NTRK2: variants seen among roughly 807,000 people sequenced by gnomAD.
The protein encoded by NTRK2 is BDNF/NT-3 growth factors receptor.
NTRK2 carries 13 observed loss-of-function variants against 94.5 expected under a neutral mutation model. The ratio of observed to expected loss-of-function variants is 0.14; its 90% confidence interval spans 0.09 to 0.22. The LOEUF (loss-of-function observed/expected upper bound fraction) is 0.22, where lower values mean the gene tolerates loss of function less well. Among genes scored for constraint, NTRK2 ranks in the 10% least tolerant of loss-of-function variants. NTRK2 has a pLI of 1.00. For synonymous variants in NTRK2, 372 were observed against 407.4 expected (o/e 0.91, Z 1.05); for missense variants, 639 against 1,071.2 (o/e 0.60, Z 5.63).
chr9:85,000,129 C>T (rs1257598757), intron 17 of NTRK2, among the ~76,000 whole-genome samples: 1 of 152,092 alleles, frequency 6.6e-6, no homozygotes, highest in African/African-American at 2.4e-5. Flanking sequence ...CAAAGTGGAA[C>T]AGAAAGTGGA....
At position 84,924,904 on chromosome 9, in the gene NTRK2, T is replaced by C. The variant is rs371435976; in HGVS notation, c.1634-9258T>C. Among the ~76,000 whole-genome samples the C allele has an allele frequency of 7.2e-5, 11 of 152,110 alleles. No homozygotes were observed. The East Asian group carries it at 1.9e-3, about 27-fold the overall frequency. ...TAGGTCCCTGGTGCCCTCCCAGAAA[T>C]GTAAAGTTGATTTGCAGCAGGCTAT... On this transcript the variant is annotated intron_variant, in intron 14 of 18. Transcript: ENST00000277120.
At chr9:84,920,617 T>A (rs920384795) in intron 14 of NTRK2, among the ~76,000 whole-genome samples, 2 of 152,192 alleles carry the variant, frequency 1.3e-5, no homozygotes, top group African/African-American at 2.4e-5. Flanking sequence ...GAGGTGAGAA[T>A]TCTTCTACTC....
intron 14 of NTRK2, among the ~76,000 whole-genome samples, chr9:84,878,628 G>A (rs1182196749): frequency 1.8e-5 from 2 of 110,522 alleles, no homozygotes; most frequent in African/African-American, 6.3e-5. Flanking sequence ...AAGAGACTAT[G>A]TCTAAAAAAA....
In NTRK2 at chr9:84,751,905, T is replaced by C. The variant is rs2064654280; in HGVS notation, c.1297-81T>C. 6.5e-6 allele frequency: 7 copies of C among 1,081,784 alleles called. No individual in the cohort carries two copies. In the South Asian group the frequency reaches 7.6e-5, roughly 12 times the overall value. 67.0% of individuals were successfully genotyped at this position (1,081,784 alleles called of 1,614,324 possible). A position where few individuals can be genotyped will look rare whatever the true frequency, so the allele number is the denominator to read the frequency against. On this transcript the variant is annotated intron_variant, in intron 11 of 18. Transcript: ENST00000277120. Reference sequence around the variant, plus strand: ...TAAATATGAACTGCCTGTATCATTATCATCGTCATGATCATCATCACCATA... The same window carrying C: ...TAAATATGAACTGCCTGTATCATTACCATCGTCATGATCATCATCACCATA...
intron 12 of NTRK2, among the ~76,000 whole-genome samples, chr9:84,821,629 G>T (rs1161645227): frequency 6.6e-6 from 1 of 152,114 alleles, no homozygotes; most frequent in Non-Finnish European, 1.5e-5. Context: ...TTTCAAACTT[G>T]GCAAAATTTC....
At chr9:84,992,010 A>G (rs1487642141) in intron 17 of NTRK2, among the ~76,000 whole-genome samples, 2 of 152,104 alleles carry the variant, frequency 1.3e-5, no homozygotes. Flanking sequence ...CATTTTGAAA[A>G]CAGAGCTTCA....
intron 12 of NTRK2, among the ~76,000 whole-genome samples, chr9:84,779,679 G>T (rs2067376274): frequency 6.6e-6 from 1 of 152,160 alleles, no homozygotes; most frequent in African/African-American, 2.4e-5. Flanking sequence ...CACAGTAGTT[G>T]TGGGTTGTTT....
At chr9:84,929,438 C>T (rs1174198623) in intron 14 of NTRK2, among the ~76,000 whole-genome samples, 2 of 152,110 alleles carry the variant, frequency 1.3e-5, no homozygotes, top group African/African-American at 2.4e-5. Flanking sequence ...TTTGATTCCT[C>T]CTTTTCCTTT....
At chr9:84,813,999 C>T in intron 12 of NTRK2, 2 of 1,065,322 alleles carry the variant, frequency 1.9e-6, no homozygotes, top group Non-Finnish European at 2.3e-6. Context: ...TACAAACAGT[C>T]TGAGGCTAAG....
intron 12 of NTRK2, among the ~76,000 whole-genome samples, chr9:84,755,987 T>G (rs2065052879): frequency 6.6e-6 from 1 of 152,178 alleles, no homozygotes; most frequent in East Asian, 1.9e-4. Flanking sequence ...TTGGTTGATA[T>G]GTAGCTACCA....
At position 84,670,679 on chromosome 9, in the gene NTRK2, C is replaced by T. The variant is rs74651168; in HGVS notation, c.-70C>T. 1.2e-3 allele frequency: 1,842 copies of T among 1,531,440 alleles called. 4 individuals are homozygous for T. Among genetic ancestry groups the T allele is most frequent in the Admixed American group, 2.3e-3 (136 of 59,874 alleles). 94.9% of individuals were successfully genotyped at this position (1,531,440 alleles called of 1,614,324 possible). On this transcript the variant is annotated 5_prime_UTR_variant, in exon 2 of 19. Transcript: ENST00000277120. ...AGCCGCAAGCGCAGGGAAGGCCTCC[C>T]CGCACGGGTGGGGGAAAGCGGCCGG...
In NTRK2 at chr9:84,687,030, T is replaced by A. The variant is rs1263403297; in HGVS notation, c.213-15129T>A. Among the ~76,000 whole-genome samples the A allele has an allele frequency of 2.6e-5, 4 of 152,340 alleles. No homozygotes were observed. The South Asian group carries it at 8.3e-4, about 32-fold the overall frequency. ...GAAAGTGGTTTAGACTCCATGTGTA[T>A]TTGAAAATTAAATTTTAAAAAATGA... is the stretch of plus-strand genomic sequence containing the variant. On this transcript the variant is annotated intron_variant, in intron 2 of 18. Coordinates refer to ENST00000277120, the MANE Select transcript of NTRK2 (RefSeq NM_006180.6).
chr9:84,815,775 G>A, intron 12 of NTRK2: 2 of 999,042 alleles, frequency 2.0e-6, no homozygotes, highest in Non-Finnish European at 2.4e-6. Context: ...GCTGTCACCT[G>A]AGTGCCCTTG....
intron 14 of NTRK2, among the ~76,000 whole-genome samples, chr9:84,904,533 G>T (rs1335939578): frequency 1.3e-5 from 2 of 152,108 alleles, no homozygotes; most frequent in Non-Finnish European, 2.9e-5. Context: ...GTTAAAAAGG[G>T]AATCTCAAAT....
chr9:84,961,292 C>T (rs1207354446), intron 17 of NTRK2, among the ~76,000 whole-genome samples: 2 of 152,188 alleles, frequency 1.3e-5, no homozygotes, highest in African/African-American at 4.8e-5. Context: ...AATACTTAGA[C>T]AATAATTCTT....
At chr9:84,740,670 A>G (rs1319732352) in intron 9 of NTRK2, among the ~76,000 whole-genome samples, 1 of 152,258 alleles carries the variant, frequency 6.6e-6, no homozygotes, top group Non-Finnish European at 1.5e-5. Context: ...TGTGCGAAGC[A>G]TGCACTATAC....
At chr9:85,012,842 G>A (rs1356266615) in intron 17 of NTRK2, among the ~76,000 whole-genome samples, 3 of 152,094 alleles carry the variant, frequency 2.0e-5, no homozygotes, top group African/African-American at 7.2e-5. Context: ...ATGATAATTT[G>A]CCTTATTTTG....
chr9:84,674,738 A>G (rs2058925655), intron 2 of NTRK2, among the ~76,000 whole-genome samples: 1 of 152,210 alleles, frequency 6.6e-6, no homozygotes, highest in South Asian at 2.1e-4. Context: ...TTCATAGTGT[A>G]GGTATTTACA....
At chr9:84,846,363 A>G (rs2074473608) in intron 12 of NTRK2, among the ~76,000 whole-genome samples, 2 of 152,236 alleles carry the variant, frequency 1.3e-5, no homozygotes, top group South Asian at 4.1e-4. Context: ...AGCAAAAGCT[A>G]TATTTCTAAA....
Sources: allele counts gnomAD v4.1 joint callset (sites outside exome capture counted in the v4.1 genomes callset), GRCh38; gene constraint gnomAD v4.1.1; transcripts MANE v1.5; gene names NCBI Gene and HGNC (gene_info 2026-07-23, HGNC 2026-07-21).